TAFA2: variants seen among roughly 807,000 people sequenced by gnomAD.
TAFA2 encodes the protein chemokine-like protein TAFA-2.
A neutral mutation model predicts 18.8 loss-of-function variants in TAFA2; 7 were observed. The ratio of observed to expected loss-of-function variants is 0.37; its 90% CI spans 0.21 to 0.70. The LOEUF (loss-of-function observed/expected upper bound fraction) is 0.70. TAFA2 is among the 30% of genes least tolerant of loss of function. TAFA2 has a pLI of 0.53. For synonymous variants in TAFA2, 60 were observed against 54.2 expected, an observed-to-expected ratio of 1.11 and a Z score of -0.47; for missense variants, 122 against 158.1, an observed-to-expected ratio of 0.77 and a Z score of 1.23.
At chr12:62,242,170 A>G (rs919971718) in intron 1 of TAFA2, among the ~76,000 whole-genome samples, 34 of 152,240 alleles carry the variant, frequency 2.2e-4, no homozygotes, top group Non-Finnish European at 4.4e-5. Flanking sequence ...ATGTTTCCAA[A>G]AAAGAAAATG....
At chr12:61,881,770 A>G (rs1470438871) in intron 1 of TAFA2, among the ~76,000 whole-genome samples, 1 of 152,116 alleles carries the variant, frequency 6.6e-6, no homozygotes, top group Non-Finnish European at 1.5e-5. Flanking sequence ...TCATTTTTAA[A>G]TGTTATCAAT....
At chr12:61,979,362 G>T (rs987361622) in intron 1 of TAFA2, among the ~76,000 whole-genome samples, 2 of 152,048 alleles carry the variant, frequency 1.3e-5, no homozygotes, top group Non-Finnish European at 2.9e-5. Context: ...CTTCAATGAA[G>T]GTTTTAAAAT....
At chr12:61,872,781 G>A (rs1033934250) in intron 1 of TAFA2, among the ~76,000 whole-genome samples, 1 of 151,906 alleles carries the variant, frequency 6.6e-6, no homozygotes, top group African/African-American at 2.4e-5. Context: ...TTTGTGTAGT[G>A]GTCTGCTTTT....
intron 1 of TAFA2, among the ~76,000 whole-genome samples, chr12:62,187,741 G>T (rs2136958036): frequency 6.6e-6 from 1 of 152,214 alleles, no homozygotes; most frequent in East Asian, 1.9e-4. Context: ...AGTGGCCAAT[G>T]ACAATTAAAA....
At chr12:61,975,384 A>G (rs1019495371) in intron 1 of TAFA2, among the ~76,000 whole-genome samples, 3 of 151,708 alleles carry the variant, frequency 2.0e-5, no homozygotes, top group Admixed American at 6.6e-5. Context: ...GATTCCACAT[A>G]TACGTGAAAT....
At chr12:62,005,565 C>T (rs2136705871) in intron 1 of TAFA2, among the ~76,000 whole-genome samples, 1 of 152,186 alleles carries the variant, frequency 6.6e-6, no homozygotes, top group South Asian at 2.1e-4. Flanking sequence ...GAAATTTTAG[C>T]ATGAAAGTGC....
chr12:61,980,678 G>C (rs900140821), intron 1 of TAFA2, among the ~76,000 whole-genome samples: 2 of 152,116 alleles, frequency 1.3e-5, no homozygotes, highest in Non-Finnish European at 2.9e-5. Flanking sequence ...CAAACGGAGA[G>C]CCAAATCATG....
intron 4 of TAFA2, among the ~76,000 whole-genome samples, chr12:61,745,981 T>C (rs1868687106): frequency 6.6e-6 from 1 of 152,004 alleles, no homozygotes; most frequent in Non-Finnish European, 1.5e-5. Flanking sequence ...GGAGGAAATA[T>C]GATTAGAATG....
In TAFA2 at chr12:62,215,560, T is replaced by C. The variant is rs562491088; in HGVS notation, c.-130+43203A>G. 1.1e-4 allele frequency among the ~76,000 whole-genome samples: 12 copies of C among 107,062 alleles called. No homozygotes were observed. The East Asian group carries it at 2.9e-3, about 25-fold the overall frequency. The allele number at this position is 107,062 out of a possible 152,430, so 70.2% of individuals were successfully genotyped here. ...TGCTGGAAAAAAGAAAGAACTTGTC[T>C]TTCAAAAAAAAAAAAAAAAGGGGCG... On this transcript the variant is annotated intron_variant, in intron 1 of 5. Transcript: ENST00000551619.
At chr12:61,964,964 C>T (rs1295756122) in intron 1 of TAFA2, among the ~76,000 whole-genome samples, 1 of 151,846 alleles carries the variant, frequency 6.6e-6, no homozygotes, top group Non-Finnish European at 1.5e-5. Context: ...GGAAAGTAAT[C>T]TATGCCTCCT....
chr12:61,958,330 T>C lies in TAFA2; in HGVS notation c.-1-90904A>G, dbSNP rs138299305. On this transcript the variant is annotated intron_variant, in intron 1 of 4. Transcript: ENST00000416284. ...GATTTTTGACAGAACAAAAATGCCA[T>C]AATAAATGTTTTCTTATACGTATAT... Among the ~76,000 whole-genome samples the C allele has an allele frequency of 2.6e-5, 4 of 152,230 alleles. No individual in the cohort carries two copies. The East Asian group carries it at 7.7e-4, about 29-fold the overall frequency.
In TAFA2 at chr12:62,254,207, G is replaced by A. The variant is rs572681149; in HGVS notation, c.-130+4556C>T. Among the ~76,000 whole-genome samples the A allele has an allele frequency of 5.3e-5, 8 of 152,222 alleles. No homozygotes were observed. The East Asian group carries it at 1.5e-3, about 29-fold the overall frequency. On this transcript the variant is annotated intron_variant, in intron 1 of 5. Coordinates refer to the TAFA2 transcript ENST00000551619. ...AAATTTAGTAGCTGCTCTGGTCTAA[G>A]GGAGGCAAATATTTTATAAATCATT... is the stretch of plus-strand genomic sequence containing the variant.
intron 1 of TAFA2, among the ~76,000 whole-genome samples, chr12:62,095,801 T>C (rs1176106267): frequency 6.6e-6 from 1 of 152,114 alleles, no homozygotes; most frequent in Non-Finnish European, 1.5e-5. Flanking sequence ...AAAACTAATA[T>C]TGCTCAGAGG....
chr12:61,977,355 CT>C (rs1173536834), intron 1 of TAFA2, among the ~76,000 whole-genome samples: 1 of 151,952 alleles, frequency 6.6e-6, no homozygotes, highest in East Asian at 1.9e-4. Context: ...TAATTATCTC[CT>C]TTCCTGATAG....
intron 1 of TAFA2, among the ~76,000 whole-genome samples, chr12:62,065,501 A>G (rs1882461083): frequency 1.3e-5 from 2 of 152,086 alleles, no homozygotes; most frequent in African/African-American, 2.4e-5. Flanking sequence ...TGTGCACTTG[A>G]AAACTCCAAA....
intron 1 of TAFA2, among the ~76,000 whole-genome samples, chr12:61,921,563 G>T (rs1877056399): frequency 6.6e-6 from 1 of 152,016 alleles, no homozygotes; most frequent in South Asian, 2.1e-4. Flanking sequence ...TGGTGTGGTG[G>T]GGTATGATTT....
intron 4 of TAFA2, among the ~76,000 whole-genome samples, chr12:61,734,249 T>C (rs974874053): frequency 6.6e-6 from 1 of 150,924 alleles, no homozygotes; most frequent in Non-Finnish European, 1.5e-5. Context: ...TCATTCTCAG[T>C]AAACTATCGC....
chr12:62,109,947 C>T (rs1183765196), intron 1 of TAFA2, among the ~76,000 whole-genome samples: 4 of 152,290 alleles, frequency 2.6e-5, no homozygotes, highest in Middle Eastern at 3.4e-3. Context: ...GACTTCCTCT[C>T]TTCCTATTTG....
At chr12:62,211,404 C>T (rs2062712886) in intron 1 of TAFA2, among the ~76,000 whole-genome samples, 1 of 151,952 alleles carries the variant, frequency 6.6e-6, no homozygotes, top group African/African-American at 2.4e-5. Context: ...CATGGTGAAA[C>T]CCTATCTCTA....
Sources: allele counts gnomAD v4.1 joint callset (sites outside exome capture counted in the v4.1 genomes callset), GRCh38; gene constraint gnomAD v4.1.1; transcripts MANE v1.5; gene names NCBI Gene and HGNC (gene_info 2026-07-23, HGNC 2026-07-21).